The following DIP2A variants were observed in gnomAD, a reference collection of about 807,000 sequenced individuals.
DIP2A encodes disco-interacting protein 2 homolog A.
DIP2A carries 85 observed loss-of-function variants against 177.4 expected under a neutral mutation model. The observed-to-expected ratio is 0.48, with a 90% CI of 0.40 to 0.57. DIP2A has a LOEUF of 0.57. Ranked by LOEUF, DIP2A falls within the 20% of genes least tolerant of loss-of-function variation. DIP2A has a pLI of 0.00. For missense variants in DIP2A, 1,791 were observed against 2,100.2 expected (o/e 0.85, Z 2.88); for synonymous variants, 886 against 881.8 (o/e 1.00, Z -0.08).
chr21:46,514,614 A>ATTTTTTTTTTTTTTT (rs1395274852), intron 8 of DIP2A, among the ~76,000 whole-genome samples: 3 of 43,132 alleles, frequency 7.0e-5, no homozygotes, highest in Non-Finnish European at 9.5e-5. Flanking sequence ...TTAAACTTTT[A>ATTTTTTTTTTTTTTT]TTCTTTTTTT....
At chr21:46,533,099 A>G (rs1489389270) in intron 10 of DIP2A, among the ~76,000 whole-genome samples, 1 of 152,242 alleles carries the variant, frequency 6.6e-6, no homozygotes, top group Non-Finnish European at 1.5e-5. Flanking sequence ...AGACTTGGCT[A>G]CAAGGAAATG....
At chr21:46,482,027 T>C (rs1262640033) in intron 1 of DIP2A, among the ~76,000 whole-genome samples, 1 of 152,102 alleles carries the variant, frequency 6.6e-6, no homozygotes, top group East Asian at 1.9e-4. Flanking sequence ...CCATCCTGGG[T>C]GACAGAGCAA....
At chr21:46,518,671 A>G (rs2058689974) in intron 8 of DIP2A, among the ~76,000 whole-genome samples, 1 of 152,238 alleles carries the variant, frequency 6.6e-6, no homozygotes, top group Non-Finnish European at 1.5e-5. Flanking sequence ...AGCCTGGCCA[A>G]CATGGCAAAA....
At chr21:46,490,492 A>G in intron 2 of DIP2A, 108 bp from the exon 3 acceptor site, 1 of 1,311,202 alleles carries the variant, frequency 7.6e-7, no homozygotes, top group Non-Finnish European at 1.0e-6. Flanking sequence ...AGGCTCTTTG[A>G]TAGAGGGTAT....
At chr21:46,552,036 C>G in intron 25 of DIP2A, 132 bp downstream of exon 25, 1 of 1,082,382 alleles carries the variant, frequency 9.2e-7, no homozygotes, top group Non-Finnish European at 1.4e-6. Context: ...GGACTCAGCC[C>G]CCGTCCTGGT....
chr21:46,576,277 C>G, the DIP2A span, among the ~76,000 whole-genome samples: 1 of 152,174 alleles, frequency 6.6e-6, no homozygotes, highest in South Asian at 2.1e-4. Context: ...CTCCCTCCCC[C>G]AGTGTCCCCC....
At chr21:46,488,433 C>T (rs1356623182) in intron 2 of DIP2A, among the ~76,000 whole-genome samples, 1 of 152,150 alleles carries the variant, frequency 6.6e-6, no homozygotes, top group African/African-American at 2.4e-5. Flanking sequence ...GACTGAGCTG[C>T]TACTCGCCAG....
At chr21:46,546,297 C>T in intron 20 of DIP2A, 1 of 1,085,558 alleles carries the variant, frequency 9.2e-7, no homozygotes, top group Non-Finnish European at 1.1e-6. Flanking sequence ...ATAAATGCTT[C>T]TATTTGTAAC....
At position 46,567,510 on chromosome 21, in the gene DIP2A, T is replaced by C. The variant is rs2060871344; in HGVS notation, c.4604T>C (p.Val1535Ala). The C allele has an allele frequency of 6.2e-7, 1 of 1,613,720 alleles. No homozygotes were observed. Among genetic ancestry groups the C allele is most frequent in the Non-Finnish European group, 8.5e-7 (1 of 1,179,864 alleles). The change falls in exon 38 of 38, where the codon GTG (valine) becomes GCG (alanine). Residue 1535 changes from valine to alanine, a missense_variant. Coordinates refer to ENST00000417564, the MANE Select transcript of DIP2A (RefSeq NM_015151.4). ...HYLVVGVVVI[V>A]DPGVIPINSR... ...CTGGTCGTGGGAGTGGTGGTCATCGTGGACCCAGGGGTGATCCCTATCAAC... is the reference window on the plus strand; with the variant it reads ...CTGGTCGTGGGAGTGGTGGTCATCGCGGACCCAGGGGTGATCCCTATCAAC...
chr21:46,538,762 C>G lies in DIP2A; in HGVS notation c.1921+160C>G, dbSNP rs879945246. On this transcript the variant is annotated intron_variant, in intron 16 of 37. Coordinates refer to ENST00000417564, the MANE Select transcript of DIP2A (RefSeq NM_015151.4). ...TATGACACGGAACATCTTGGTGATT[C>G]ACTGGTTTATCCCATGCATGTTTAT... 2.7e-6 allele frequency: 3 copies of G among 1,116,280 alleles called. No homozygotes were observed. The Admixed American group carries it at 8.1e-5, about 30-fold the overall frequency. The allele number at this position is 1,116,280 out of a possible 1,614,324, so 69.1% of individuals were successfully genotyped here.
At chr21:46,462,926 GA>G (rs1176336741) in intron 1 of DIP2A, 3 of 152,266 alleles carry the variant, frequency 2.0e-5, no homozygotes, top group African/African-American at 7.2e-5. Context: ...GGCCCTGAGG[GA>G]AGGTTCTGGT....
At chr21:46,526,044 G>A (rs1215007585) in intron 8 of DIP2A, among the ~76,000 whole-genome samples, 1 of 151,728 alleles carries the variant, frequency 6.6e-6, no homozygotes, top group Non-Finnish European at 1.5e-5. Flanking sequence ...GAGTAGCTGG[G>A]ATTACAGGCG....
chr21:46,519,087 T>C (rs1312769097), intron 8 of DIP2A, among the ~76,000 whole-genome samples: 1 of 152,220 alleles, frequency 6.6e-6, no homozygotes, highest in East Asian at 1.9e-4. Context: ...CTAGGATAAC[T>C]TCCTGACGTT....
chr21:46,558,098 C>A, intron 31 of DIP2A, 125 bp from the exon 32 acceptor site: 1 of 982,410 alleles, frequency 1.0e-6, no homozygotes, highest in Non-Finnish European at 1.5e-6. Flanking sequence ...ACACAGCCTG[C>A]GGAGAGGAGG....
At chr21:46,521,594 C>G (rs1408711604) in intron 8 of DIP2A, among the ~76,000 whole-genome samples, 1 of 152,188 alleles carries the variant, frequency 6.6e-6, no homozygotes, top group Non-Finnish European at 1.5e-5. Flanking sequence ...TTAATAAAAC[C>G]TTGTAGACAA....
intron 10 of DIP2A, 77 bp from the exon 11 acceptor site, chr21:46,533,447 T>A (rs769173598): frequency 3.8e-5 from 59 of 1,532,632 alleles, no homozygotes; most frequent in Non-Finnish European, 5.2e-5. Flanking sequence ...TCTCTGTGCA[T>A]GGCCTGGAGC....
At chr21:46,524,324 T>G (rs2058967138) in intron 8 of DIP2A, among the ~76,000 whole-genome samples, 1 of 152,204 alleles carries the variant, frequency 6.6e-6, no homozygotes. Context: ...TTTGTTCAAG[T>G]GCCCTTGCCT....
chr21:46,550,278 A>G (rs949770813), intron 22 of DIP2A, among the ~76,000 whole-genome samples: 4 of 152,100 alleles, frequency 2.6e-5, no homozygotes, highest in African/African-American at 9.7e-5. Context: ...TCATCTCCTC[A>G]TTGCCCCATC....
chr21:46,522,702 A>C (rs774527390), intron 8 of DIP2A, among the ~76,000 whole-genome samples: 3 of 152,188 alleles, frequency 2.0e-5, no homozygotes, highest in Non-Finnish European at 2.9e-5. Context: ...GTGAAATCAA[A>C]ACCGTCAGAT....
Sources: gnomAD v4.1 joint callset for allele counts (sites outside exome capture counted in the v4.1 genomes callset) on GRCh38, gnomAD v4.1.1 for gene constraint, MANE v1.5 for transcripts, NCBI Gene and HGNC (gene_info 2026-07-23, HGNC 2026-07-21) for gene names.